Variants in ERBB4 observed in about 807,000 individuals in gnomAD.
The protein encoded by ERBB4 is receptor tyrosine-protein kinase erbB-4.
Under a neutral mutation model 158.0 loss-of-function variants are expected in ERBB4, and 42 were observed. The ratio of observed to expected loss-of-function variants is 0.27; its 90% confidence interval spans 0.21 to 0.34. The LOEUF is 0.34. Among genes scored for constraint, ERBB4 ranks in the 10% least tolerant of loss-of-function variants. The pLI, the probability that ERBB4 is intolerant of heterozygous loss-of-function variation, is 1.00. For missense variants in ERBB4, 1,333 were observed against 1,624.1 expected, an observed-to-expected ratio of 0.82 and a Z score of 3.08; for synonymous variants, 583 against 558.7, an observed-to-expected ratio of 1.04 and a Z score of -0.61.
chr2:211,728,564 A>G (rs2074341618), intron 5 of ERBB4, among the ~76,000 whole-genome samples: 1 of 151,906 alleles, frequency 6.6e-6, no homozygotes, highest in African/African-American at 2.4e-5. Flanking sequence ...CTTCTCTTCC[A>G]AATTCAATAA....
At chr2:212,267,158 C>T (rs1302531950) in intron 1 of ERBB4, among the ~76,000 whole-genome samples, 1 of 151,872 alleles carries the variant, frequency 6.6e-6, no homozygotes, top group East Asian at 1.9e-4. Flanking sequence ...GCTCAACAAG[C>T]CTTAATCAAA....
chr2:211,653,418 C>A (rs1371093977), intron 16 of ERBB4, among the ~76,000 whole-genome samples: 1 of 151,934 alleles, frequency 6.6e-6, no homozygotes, highest in Admixed American at 6.6e-5. Flanking sequence ...GAAAGTTGAT[C>A]AAGACTGGAA....
intron 3 of ERBB4, among the ~76,000 whole-genome samples, chr2:211,812,290 T>G (rs1484597618): frequency 6.6e-6 from 1 of 152,206 alleles, no homozygotes; most frequent in Non-Finnish European, 1.5e-5. Flanking sequence ...CAGCTGCAGG[T>G]CTGCTGGAGT....
chr2:212,197,617 T>C (rs76691091), intron 1 of ERBB4, among the ~76,000 whole-genome samples: 1,893 of 152,266 alleles, frequency 0.012, 24 homozygotes, highest in African/African-American at 0.043. Context: ...GAACTGCCCA[T>C]AATAGGTTTG....
intron 1 of ERBB4, among the ~76,000 whole-genome samples, chr2:212,319,864 G>A (rs1574671862): frequency 1.3e-5 from 2 of 150,046 alleles, no homozygotes; most frequent in Admixed American, 1.3e-4. Context: ...GGTATTAATG[G>A]ACTACATTAT....
intron 2 of ERBB4, among the ~76,000 whole-genome samples, chr2:212,071,239 G>T (rs539870781): frequency 6.6e-6 from 1 of 151,530 alleles, no homozygotes; most frequent in Non-Finnish European, 1.5e-5. Context: ...TATCTGATCT[G>T]GTCCATACCT....
intron 1 of ERBB4, among the ~76,000 whole-genome samples, chr2:212,307,609 A>G (rs2086858640): frequency 1.3e-5 from 2 of 151,162 alleles, no homozygotes; most frequent in South Asian, 4.2e-4. Context: ...TATCTACATG[A>G]AAAGCATAGA....
chr2:211,714,881 T>G (rs1218705037), intron 7 of ERBB4, among the ~76,000 whole-genome samples: 1 of 152,200 alleles, frequency 6.6e-6, no homozygotes, highest in African/African-American at 2.4e-5. Context: ...GAGGCCCCCA[T>G]GCCATCCACC....
intron 1 of ERBB4, among the ~76,000 whole-genome samples, chr2:212,375,769 T>G (rs951501055): frequency 2.6e-5 from 4 of 152,054 alleles, no homozygotes; most frequent in Non-Finnish European, 5.9e-5. Context: ...AGACATCAGT[T>G]TGAAAAGAGC....
intron 4 of ERBB4, among the ~76,000 whole-genome samples, chr2:211,773,518 A>G (rs57846205): frequency 0.15 from 21,259 of 143,638 alleles, 1,786 homozygotes; most frequent in South Asian, 0.33. Flanking sequence ...CTGTTCTACC[A>G]CCTGGAGGTC....
chr2:212,206,589 C>CTTTTCTTTTTT (rs2082754707), intron 1 of ERBB4, among the ~76,000 whole-genome samples: 2 of 116,450 alleles, frequency 1.7e-5, no homozygotes, highest in Admixed American at 1.6e-4. Flanking sequence ...CTGTTCTGTT[C>CTTTTCTTTTTT]TTTTTTTTTT....
At chr2:212,189,815 TC>T (rs1239680515) in intron 1 of ERBB4, among the ~76,000 whole-genome samples, 1 of 152,168 alleles carries the variant, frequency 6.6e-6, no homozygotes, top group Non-Finnish European at 1.5e-5. Context: ...ATTTCTAACC[TC>T]CATATTTTAC....
chr2:212,031,187 A>C (rs1361797039), intron 2 of ERBB4, among the ~76,000 whole-genome samples: 1 of 152,116 alleles, frequency 6.6e-6, no homozygotes, highest in African/African-American at 2.4e-5. Flanking sequence ...TCAAATTTTT[A>C]GTTGTTTTTC....
At chr2:211,666,744 C>T (rs1255948054) in intron 14 of ERBB4, among the ~76,000 whole-genome samples, 2 of 152,288 alleles carry the variant, frequency 1.3e-5, no homozygotes, top group African/African-American at 4.8e-5. Flanking sequence ...TGACCACTCC[C>T]CTTTGGAACT....
intron 1 of ERBB4, among the ~76,000 whole-genome samples, chr2:212,155,652 T>C (rs1210245989): frequency 6.6e-6 from 1 of 151,982 alleles, no homozygotes; most frequent in African/African-American, 2.4e-5. Context: ...GAGCTTGAGA[T>C]GGGAAAAAAA....
chr2:212,345,038 G>C (rs2088916074), intron 1 of ERBB4, among the ~76,000 whole-genome samples: 1 of 151,900 alleles, frequency 6.6e-6, no homozygotes, highest in Admixed American at 6.6e-5. Flanking sequence ...GAGATGGGCG[G>C]ATCACGAGGT....
chr2:211,444,298 T>G (rs1475353850), intron 20 of ERBB4, among the ~76,000 whole-genome samples: 1 of 152,020 alleles, frequency 6.6e-6, no homozygotes, highest in East Asian at 1.9e-4. Context: ...GGACACTCAT[T>G]GAACTTTAGC....
intron 1 of ERBB4, among the ~76,000 whole-genome samples, chr2:212,207,743 AC>A (rs148614111): frequency 0.031 from 4,735 of 152,082 alleles, 246 homozygotes; most frequent in African/African-American, 0.11. Context: ...AGACACTTGA[AC>A]TCTCTACATC....
chr2:212,347,547 A>G (rs1368077116), intron 1 of ERBB4, among the ~76,000 whole-genome samples: 1 of 152,142 alleles, frequency 6.6e-6, no homozygotes, highest in African/African-American at 2.4e-5. Context: ...CTGAAGAACT[A>G]ATCCAGGTTG....
Sources: gnomAD v4.1 joint callset for allele counts (sites outside exome capture counted in the v4.1 genomes callset) on GRCh38, gnomAD v4.1.1 for gene constraint, MANE v1.5 for transcripts, NCBI Gene and HGNC (gene_info 2026-07-23, HGNC 2026-07-21) for gene names.